The following PDE8A variants were observed in gnomAD, a reference collection of about 807,000 sequenced individuals.
The protein encoded by PDE8A is phosphodiesterase 8A, also known as high affinity cAMP-specific and IBMX-insensitive 3',5'-cyclic phosphodiesterase 8A.
Under a neutral mutation model 105.0 loss-of-function variants are expected in PDE8A, and 59 were observed. The observed-to-expected ratio is 0.56, with a 90% CI of 0.46 to 0.70. The LOEUF is 0.70. PDE8A is among the 30% of genes least tolerant of loss of function. The probability of loss-of-function intolerance (pLI) is 0.00; values close to 1 mark genes in which losing one functional copy is unlikely to be tolerated. For missense variants in PDE8A, 1,014 were observed against 1,045.9 expected (o/e 0.97, Z 0.42); for synonymous variants, 355 against 371.9 (o/e 0.95, Z 0.52).
intron 1 of PDE8A, among the ~76,000 whole-genome samples, chr15:84,998,550 T>G (rs1189569012): frequency 6.6e-6 from 1 of 152,244 alleles, no homozygotes; most frequent in Non-Finnish European, 1.5e-5. Context: ...ACCTATTTTT[T>G]CATCTCAGTT....
At position 85,095,874 on chromosome 15, in the gene PDE8A, A is replaced by ATAT. The variant is rs927936094; in HGVS notation, c.853-2073_853-2072insATT. Among the ~76,000 whole-genome samples, 130 of 99,590 alleles carry ATAT rather than the reference A, an allele frequency of 1.3e-3. 1 individual carries two copies. The highest frequency in any genetic ancestry group is 0.012 in the African/African-American group (126 of 10,654). 65.3% of individuals were successfully genotyped at this position (99,590 alleles called of 152,430 possible). A position where few individuals can be genotyped will look rare whatever the true frequency, so the allele number is the denominator to read the frequency against. ...GAAGATCCTGAATATATATATATAT[A>ATAT]TTTTTTTTATATATATATTTTTTGT... On this transcript the variant is annotated intron_variant, in intron 8 of 21. Transcript: ENST00000394553.
At chr15:85,129,150 G>A (rs2082297412) in intron 20 of PDE8A, among the ~76,000 whole-genome samples, 1 of 152,146 alleles carries the variant, frequency 6.6e-6, no homozygotes, top group African/African-American at 2.4e-5. Flanking sequence ...GCTGAGTTTG[G>A]ATTGCTAGTA....
chr15:85,053,979 T>C (rs2081017597), intron 1 of PDE8A, among the ~76,000 whole-genome samples: 2 of 152,260 alleles, frequency 1.3e-5, no homozygotes, highest in African/African-American at 4.8e-5. Context: ...CTTATTATTT[T>C]GAGATATGTC....
intron 1 of PDE8A, among the ~76,000 whole-genome samples, chr15:85,017,893 A>G (rs1168468140): frequency 2.0e-5 from 3 of 151,208 alleles, no homozygotes; most frequent in African/African-American, 4.9e-5. Context: ...GTCTCAAAAA[A>G]AAAAAAGCAA....
chr15:85,117,547 T>A (rs1054593492), intron 16 of PDE8A, 94 bp from the exon 17 acceptor site: 7 of 1,037,760 alleles, frequency 6.7e-6, no homozygotes, highest in Non-Finnish European at 1.0e-5. Context: ...TGCCCTGCAC[T>A]CTCTGAAATT....
intron 1 of PDE8A, among the ~76,000 whole-genome samples, chr15:85,044,803 A>G (rs2080862767): frequency 6.6e-6 from 1 of 152,232 alleles, no homozygotes; most frequent in African/African-American, 2.4e-5. Flanking sequence ...AGCCAAAGAC[A>G]TCTTTTTTAG....
At chr15:85,132,427 C>CT (rs2082342354) in intron 20 of PDE8A, among the ~76,000 whole-genome samples, 1 of 152,084 alleles carries the variant, frequency 6.6e-6, no homozygotes, top group African/African-American at 2.4e-5. Flanking sequence ...ATATCTGATA[C>CT]TGAACCCCTC....
intron 1 of PDE8A, among the ~76,000 whole-genome samples, chr15:85,041,153 T>TA (rs1772007423): frequency 6.6e-6 from 1 of 152,186 alleles, no homozygotes; most frequent in Non-Finnish European, 1.5e-5. Context: ...CATCAGATGC[T>TA]ATACATGAAA....
At chr15:85,109,229 T>C (rs2081987600) in intron 12 of PDE8A, 99 bp downstream of exon 12, 1 of 712,738 alleles carries the variant, frequency 1.4e-6, no homozygotes, top group Admixed American at 2.6e-5. Flanking sequence ...CTACCTCCAA[T>C]TCTTGGGAGA....
chr15:85,125,462 A>T (rs2082244476), intron 19 of PDE8A, among the ~76,000 whole-genome samples: 1 of 152,210 alleles, frequency 6.6e-6, no homozygotes, highest in South Asian at 2.1e-4. Flanking sequence ...GGATCCTTGG[A>T]TGCAGACAGC....
chr15:85,099,083 G>T (rs995088745), intron 9 of PDE8A, among the ~76,000 whole-genome samples: 2 of 152,218 alleles, frequency 1.3e-5, no homozygotes, highest in Admixed American at 6.5e-5. Flanking sequence ...AAAAGAACAG[G>T]AGAAAGTATG....
intron 6 of PDE8A, among the ~76,000 whole-genome samples, chr15:85,085,675 C>CAA (rs34469124): frequency 1.4e-3 from 165 of 115,322 alleles, no homozygotes; most frequent in Middle Eastern, 4.9e-3. Flanking sequence ...GACTCTGTCT[C>CAA]AAAAAAAAAA....
intron 1 of PDE8A, among the ~76,000 whole-genome samples, chr15:84,986,117 C>T (rs2079798112): frequency 6.6e-6 from 1 of 152,118 alleles, no homozygotes; most frequent in African/African-American, 2.4e-5. Context: ...GTCCCAGATA[C>T]TTGGGAGGCT....
Position 85,077,115 on chromosome 15 carries a change from A to G in PDE8A, c.546+328A>G, listed in dbSNP as rs537200052. ...TAATAGTTCATAGTCTCTCAAAACT[A>G]TGCCTGCTAAGGTCATCTAAACATA... On this transcript the variant is annotated intron_variant, in intron 5 of 21. Coordinates refer to ENST00000394553, the MANE Select transcript of PDE8A (RefSeq NM_002605.3). Among the ~76,000 whole-genome samples, 3 of 152,364 alleles carry G rather than the reference A, an allele frequency of 2.0e-5. No individual in the cohort carries two copies. The South Asian group carries it at 6.2e-4, about 32-fold the overall frequency.
At chr15:85,037,475 A>G (rs2080727391) in intron 1 of PDE8A, among the ~76,000 whole-genome samples, 1 of 152,212 alleles carries the variant, frequency 6.6e-6, no homozygotes, top group Non-Finnish European at 1.5e-5. Flanking sequence ...CACAAAATAT[A>G]CTATAGATTA....
At chr15:85,084,206 A>G (rs1431299418) in intron 6 of PDE8A, among the ~76,000 whole-genome samples, 1 of 152,190 alleles carries the variant, frequency 6.6e-6, no homozygotes, top group Non-Finnish European at 1.5e-5. Context: ...GTGTTCAACT[A>G]TTCTTTAACA....
intron 1 of PDE8A, among the ~76,000 whole-genome samples, chr15:84,996,850 A>AAAAAAG (rs61005863): frequency 1.1e-4 from 16 of 146,756 alleles, no homozygotes; most frequent in Non-Finnish European, 1.8e-4. Context: ...AAAAAAAAAA[A>AAAAAAG]GGTGGTACAC....
chr15:85,081,862 A>G (rs2081472160), intron 5 of PDE8A, among the ~76,000 whole-genome samples: 1 of 152,116 alleles, frequency 6.6e-6, no homozygotes, highest in Admixed American at 6.5e-5. Flanking sequence ...AGTTTGGTGG[A>G]TACATAACAT....
At chr15:84,981,383 A>ACGGAGCCGGAGC (rs574568277), upstream of PDE8A, among the ~76,000 whole-genome samples, 27 of 152,176 alleles carry the variant, frequency 1.8e-4, no homozygotes, top group South Asian at 3.1e-3. Context: ...GGCCCGGATC[A>ACGGAGCCGGAGC]CGGAGCCGGA....
Sources: gnomAD v4.1 joint callset for allele counts (sites outside exome capture counted in the v4.1 genomes callset) on GRCh38, gnomAD v4.1.1 for gene constraint, MANE v1.5 for transcripts, NCBI Gene and HGNC (gene_info 2026-07-23, HGNC 2026-07-21) for gene names.